PHACTR1: variants seen among roughly 807,000 people sequenced by gnomAD.
PHACTR1 encodes RPEL repeat containing 1.
In PHACTR1, 16 loss-of-function variants were observed where a neutral mutation model predicts 69.2. The observed-to-expected ratio is 0.23, with a 90% CI of 0.16 to 0.35. The LOEUF (loss-of-function observed/expected upper bound fraction) is 0.35. Ranked by LOEUF, PHACTR1 falls within the 10% of genes least tolerant of loss-of-function variation. PHACTR1 has a pLI of 1.00. For missense variants in PHACTR1, 510 were observed against 734.7 expected, an observed-to-expected ratio of 0.69 and a Z score of 3.54; for synonymous variants, 312 against 284.5, an observed-to-expected ratio of 1.10 and a Z score of -0.97.
intron 4 of PHACTR1, among the ~76,000 whole-genome samples, chr6:12,755,696 A>G (rs1767230534): frequency 6.6e-6 from 1 of 152,190 alleles, no homozygotes; most frequent in Non-Finnish European, 1.5e-5. Context: ...AAGATATTAA[A>G]GAAATTTTAG....
chr6:13,131,208 TACACACACACACACACAC>T (rs56329629), intron 5 of PHACTR1, among the ~76,000 whole-genome samples: 79,624 of 146,478 alleles, frequency 0.54, 21,832 homozygotes, highest in East Asian at 0.7. Flanking sequence ...TATATACACA[TACACACACACACACACAC>T]ACACACACAC....
At chr6:12,728,515 T>G (rs1763083739) in intron 3 of PHACTR1, among the ~76,000 whole-genome samples, 1 of 152,178 alleles carries the variant, frequency 6.6e-6, no homozygotes, top group South Asian at 2.1e-4. Flanking sequence ...GCTTTAGAAT[T>G]GCACAGCTCT....
chr6:12,815,128 A>G (rs1775436515), intron 4 of PHACTR1, among the ~76,000 whole-genome samples: 2 of 152,202 alleles, frequency 1.3e-5, no homozygotes, highest in South Asian at 4.1e-4. Context: ...CCCCCATGCC[A>G]TAAGGAGGGC....
At chr6:13,058,699 G>A (rs944972083) in intron 5 of PHACTR1, among the ~76,000 whole-genome samples, 1 of 152,196 alleles carries the variant, frequency 6.6e-6, no homozygotes, top group Non-Finnish European at 1.5e-5. Context: ...CTTTCCTAAG[G>A]AAGAGAGGTT....
chr6:12,931,130 C>T (rs912409411), intron 4 of PHACTR1, among the ~76,000 whole-genome samples: 4 of 151,718 alleles, frequency 2.6e-5, no homozygotes, highest in South Asian at 4.2e-4. Flanking sequence ...GGCTTAAGAT[C>T]GAAATTTGCT....
chr6:12,923,303 T>A (rs1329298434), intron 4 of PHACTR1, among the ~76,000 whole-genome samples: 2 of 152,336 alleles, frequency 1.3e-5, no homozygotes, highest in East Asian at 3.9e-4. Context: ...GTAAAAAAGA[T>A]GTATGATTGA....
intron 3 of PHACTR1, among the ~76,000 whole-genome samples, chr6:12,727,659 G>T (rs764763737): frequency 5.9e-4 from 90 of 152,268 alleles, no homozygotes; most frequent in Non-Finnish European, 1.0e-3. Flanking sequence ...CCATGACCCA[G>T]TTAGCATAAA....
chr6:12,944,787 A>ATTTATTTATTATTT (rs1554172585), intron 4 of PHACTR1, among the ~76,000 whole-genome samples: 7 of 116,340 alleles, frequency 6.0e-5, no homozygotes, highest in African/African-American at 2.3e-4. Flanking sequence ...ATTTTTATTT[A>ATTTATTTATTATTT]TTTTTTTTTT....
chr6:13,204,691 T>G (rs1364514576), intron 7 of PHACTR1, among the ~76,000 whole-genome samples: 1 of 152,198 alleles, frequency 6.6e-6, no homozygotes, highest in Non-Finnish European at 1.5e-5. Context: ...TAGCCCACAC[T>G]TGAGTGGGCC....
At chr6:12,963,261 C>T (rs529295593) in intron 4 of PHACTR1, among the ~76,000 whole-genome samples, 2 of 152,260 alleles carry the variant, frequency 1.3e-5, no homozygotes, top group Admixed American at 6.5e-5. Flanking sequence ...GATTTGCAGG[C>T]GCCCACAGAT....
chr6:12,985,528 T>TAAAAAAAAAAA (rs149850503), intron 4 of PHACTR1, among the ~76,000 whole-genome samples: 1 of 134,914 alleles, frequency 7.4e-6, no homozygotes, highest in Admixed American at 7.5e-5. Flanking sequence ...TACTACAAAT[T>TAAAAAAAAAAA]AAAAAAAAAA....
intron 5 of PHACTR1, among the ~76,000 whole-genome samples, chr6:13,094,300 C>T (rs1461236836): frequency 3.4e-5 from 5 of 145,206 alleles, no homozygotes; most frequent in Non-Finnish European, 4.5e-5. Flanking sequence ...GATAAAGTGT[C>T]TTTTTTTTTT....
chr6:13,211,013 TA>T (rs1286941719), intron 8 of PHACTR1, among the ~76,000 whole-genome samples: 1 of 150,920 alleles, frequency 6.6e-6, no homozygotes, highest in African/African-American at 2.4e-5. Context: ...AAATCTTTGC[TA>T]GCCTTTACTC....
At chr6:12,915,430 C>G (rs1562007347) in intron 4 of PHACTR1, among the ~76,000 whole-genome samples, 2 of 150,918 alleles carry the variant, frequency 1.3e-5, no homozygotes, top group African/African-American at 4.9e-5. Flanking sequence ...TCGCTTGAAC[C>G]CAGGAGGCAG....
intron 10 of PHACTR1, among the ~76,000 whole-genome samples, chr6:13,244,892 A>G (rs1167904654): frequency 6.6e-6 from 1 of 152,224 alleles, no homozygotes; most frequent in Non-Finnish European, 1.5e-5. Flanking sequence ...TCACAAGGGT[A>G]TTGATTGGGG....
intron 3 of PHACTR1, among the ~76,000 whole-genome samples, chr6:12,721,483 A>G (rs1449959268): frequency 2.0e-5 from 3 of 152,232 alleles, no homozygotes; most frequent in East Asian, 3.8e-4. Flanking sequence ...ACCACAAAAA[A>G]TAGAAATTTT....
At chr6:12,930,758 G>A (rs571799387) in intron 4 of PHACTR1, among the ~76,000 whole-genome samples, 2 of 152,198 alleles carry the variant, frequency 1.3e-5, no homozygotes, top group East Asian at 3.9e-4. Context: ...AGTCCAGAAA[G>A]GTGACAAATG....
rs370902874 is a variant in PHACTR1, at chr6:12,857,362, G to C, written c.250+107572G>C. On this transcript the variant is annotated intron_variant, in intron 4 of 14. Transcript: ENST00000332995. ...CGCGGTGGTTCATGCCTGTAGTCCC[G>C]GCACTGTGGGAGGCCGAGGCCAGAG... is the stretch of plus-strand genomic sequence containing the variant. Among the ~76,000 whole-genome samples the C allele has an allele frequency of 1.8e-4, 27 of 151,930 alleles. 1 individual carries two copies. The East Asian group carries it at 2.5e-3, about 14-fold the overall frequency.
chr6:13,279,238 A>G (rs1779641522), intron 12 of PHACTR1: 1 of 152,236 alleles, frequency 6.6e-6, no homozygotes, highest in Admixed American at 6.5e-5. Flanking sequence ...CCTCGCATGC[A>G]TCTCATTCCA....
Sources: allele counts gnomAD v4.1 joint callset (sites outside exome capture counted in the v4.1 genomes callset), GRCh38; gene constraint gnomAD v4.1.1; transcripts MANE v1.5; gene names NCBI Gene and HGNC (gene_info 2026-07-23, HGNC 2026-07-21).